Variants in GRIK2 observed in about 807,000 individuals in gnomAD.
The protein encoded by GRIK2 is glutamate receptor ionotropic, kainate 2.
GRIK2 carries 32 observed loss-of-function variants against 100.3 expected under a neutral mutation model. The ratio of observed to expected loss-of-function variants is 0.32; its 90% CI spans 0.24 to 0.43. GRIK2 has a LOEUF of 0.43. Among genes scored for constraint, GRIK2 ranks in the 20% least tolerant of loss-of-function variants. The pLI, the probability that GRIK2 is intolerant of heterozygous loss-of-function variation, is 1.00. For synonymous variants in GRIK2, 417 were observed against 389.4 expected (o/e 1.07, Z -0.83); for missense variants, 843 against 1,114.9 (o/e 0.76, Z 3.47).
intron 16 of GRIK2, among the ~76,000 whole-genome samples, chr6:102,059,222 C>A (rs892505175): frequency 6.6e-6 from 1 of 150,916 alleles, no homozygotes; most frequent in African/African-American, 2.4e-5. Context: ...TTCAGATAAC[C>A]ACAAGATGGT....
chr6:102,010,574 G>T (rs2114311039), intron 14 of GRIK2, among the ~76,000 whole-genome samples: 1 of 151,706 alleles, frequency 6.6e-6, no homozygotes, highest in African/African-American at 2.4e-5. Context: ...TTTAGTAGAG[G>T]CTGGGTTTCA....
chr6:101,602,575 G>C (rs1045793327), intron 2 of GRIK2, among the ~76,000 whole-genome samples: 3 of 151,172 alleles, frequency 2.0e-5, no homozygotes, highest in Non-Finnish European at 4.4e-5. Flanking sequence ...TAAAGAAATG[G>C]AGGGTAATTT....
intron 2 of GRIK2, among the ~76,000 whole-genome samples, chr6:101,439,189 G>A (rs1299811268): frequency 3.9e-5 from 6 of 152,078 alleles, no homozygotes; most frequent in African/African-American, 1.2e-4. Context: ...ATATCATATG[G>A]ATTATTCTTA....
Position 101,551,231 on chromosome 6 carries a change from T to G in GRIK2, c.116-70718T>G, listed in dbSNP as rs537027922. On this transcript the variant is annotated intron_variant, in intron 2 of 16. Coordinates refer to ENST00000369134, the MANE Select transcript of GRIK2 (RefSeq NM_021956.5). ...TGCAGCAAGATTTCAGCTGACTGTT[T>G]AAGGTATAGTTCTCATTTGGGAGAG... 4.6e-5 allele frequency among the ~76,000 whole-genome samples: 7 copies of G among 152,268 alleles called. No individual in the cohort carries two copies. The East Asian group carries it at 1.2e-3, about 25-fold the overall frequency.
intron 12 of GRIK2, among the ~76,000 whole-genome samples, chr6:101,917,521 T>C (rs1378017059): frequency 6.6e-6 from 1 of 151,644 alleles, no homozygotes; most frequent in African/African-American, 2.4e-5. Context: ...GGGTTTTTAG[T>C]GTAGCAATTA....
intron 14 of GRIK2, among the ~76,000 whole-genome samples, chr6:101,971,395 T>C (rs1472090972): frequency 6.6e-6 from 1 of 152,058 alleles, no homozygotes; most frequent in Non-Finnish European, 1.5e-5. Context: ...GGCAGTATTA[T>C]GTTTCCATAT....
rs950370756 is a variant in GRIK2, at chr6:101,482,902, A to C, written c.115+83510A>C. Among the ~76,000 whole-genome samples, 5 of 152,286 alleles carry C rather than the reference A, an allele frequency of 3.3e-5. No individual in the cohort carries two copies. The East Asian group carries it at 5.8e-4, about 18-fold the overall frequency. The stretch of plus-strand genomic sequence containing the variant: ...CCCCATCTTTTGCAACCCATTTCAC[A>C]GTGTTAAAGTTCTTATTTTAACAAA... On this transcript the variant is annotated intron_variant, in intron 2 of 16. Transcript: ENST00000369134.
At chr6:101,394,302 C>A (rs2852502) in intron 1 of GRIK2, among the ~76,000 whole-genome samples, 26,454 of 152,160 alleles carry the variant, frequency 0.17, 2,486 homozygotes, top group Non-Finnish European at 0.19. Context: ...TTATTTTAAC[C>A]GGCACCCGTA....
chr6:101,513,619 G>A (rs1251272150), intron 2 of GRIK2, among the ~76,000 whole-genome samples: 2 of 152,080 alleles, frequency 1.3e-5, no homozygotes, highest in Non-Finnish European at 2.9e-5. Context: ...GAGTCAGGTT[G>A]GAAAGTAAAT....
At position 101,836,619 on chromosome 6, in the gene GRIK2, T is replaced by TTA. The variant is rs1562426735; in HGVS notation, c.1317+18152_1317+18153dup. On this transcript the variant is annotated intron_variant, in intron 10 of 16. Transcript: ENST00000369134. ...TTGGGGCTTGTTGCTATATATATAGTTATATATATATATATATGTATGTGT... is the reference window on the plus strand; with the variant it reads ...TTGGGGCTTGTTGCTATATATATAGTTATATATATATATATATATGTATGTGT... Among the ~76,000 whole-genome samples the TTA allele has an allele frequency of 5.4e-4, 73 of 135,104 alleles. No homozygotes were observed. In the East Asian group the frequency reaches 6.4e-3, roughly 12 times the overall value. The allele number at this position is 135,104 out of a possible 152,430, so 88.6% of individuals were successfully genotyped here.
chr6:101,620,899 T>C (rs950948248), intron 2 of GRIK2, among the ~76,000 whole-genome samples: 1 of 151,922 alleles, frequency 6.6e-6, no homozygotes, highest in African/African-American at 2.4e-5. Flanking sequence ...AGAAGGAAGG[T>C]TGTGACAAGA....
chr6:101,700,925 G>T (rs1266946048), intron 7 of GRIK2, among the ~76,000 whole-genome samples: 1 of 152,126 alleles, frequency 6.6e-6, no homozygotes, highest in Non-Finnish European at 1.5e-5. Flanking sequence ...GGAGACAAAA[G>T]AGGCCTTAGA....
intron 12 of GRIK2, among the ~76,000 whole-genome samples, chr6:101,897,647 C>G (rs777438621): frequency 6.6e-6 from 1 of 151,622 alleles, no homozygotes; most frequent in African/African-American, 2.4e-5. Context: ...TAAAGACAGG[C>G]GACATCTTTT....
intron 9 of GRIK2, 67 bp from the exon 10 acceptor site, chr6:101,818,303 T>G (rs1470107941): frequency 2.4e-6 from 2 of 839,156 alleles, no homozygotes; most frequent in Non-Finnish European, 4.0e-6. Flanking sequence ...AATCTTAACT[T>G]TCTTTTGCAG....
intron 14 of GRIK2, among the ~76,000 whole-genome samples, chr6:101,956,989 C>A (rs6918729): frequency 0.47 from 71,761 of 151,172 alleles, 17,160 homozygotes; most frequent in African/African-American, 0.53. Flanking sequence ...ATAGTGAATT[C>A]TTTTCCTTTG....
intron 14 of GRIK2, among the ~76,000 whole-genome samples, chr6:101,979,401 G>A (rs868080483): frequency 6.6e-6 from 1 of 152,080 alleles, no homozygotes; most frequent in African/African-American, 2.4e-5. Flanking sequence ...CCGCTGCAAA[G>A]GATGGTGGAG....
At chr6:101,719,092 G>C (rs1774270445) in intron 7 of GRIK2, among the ~76,000 whole-genome samples, 1 of 139,502 alleles carries the variant, frequency 7.2e-6, no homozygotes, top group Non-Finnish European at 1.5e-5. Context: ...TGAATATAAA[G>C]AAGCCATTTA....
intron 14 of GRIK2, among the ~76,000 whole-genome samples, chr6:101,963,501 C>CTTTT (rs1792447901): frequency 2.0e-5 from 2 of 99,054 alleles, no homozygotes; most frequent in African/African-American, 4.2e-5. Context: ...CTTTTTCTTT[C>CTTTT]TTTCTTTCTT....
intron 2 of GRIK2, among the ~76,000 whole-genome samples, chr6:101,452,176 G>A (rs1042200069): frequency 2.0e-5 from 3 of 151,714 alleles, no homozygotes; most frequent in Non-Finnish European, 3.0e-5. Context: ...GAAGCATACG[G>A]ATCTCCATAT....
Sources: gnomAD v4.1 joint callset for allele counts (sites outside exome capture counted in the v4.1 genomes callset) on GRCh38, gnomAD v4.1.1 for gene constraint, MANE v1.5 for transcripts, NCBI Gene and HGNC (gene_info 2026-07-23, HGNC 2026-07-21) for gene names.